LRRC37A2: variants seen among roughly 807,000 people sequenced by gnomAD.
The protein encoded by LRRC37A2 is leucine rich repeat containing 37 member A2.
LRRC37A2 carries 9 observed loss-of-function variants against 68.8 expected under a neutral mutation model. The ratio of observed to expected loss-of-function variants is 0.13; its 90% CI spans 0.08 to 0.23. The LOEUF (loss-of-function observed/expected upper bound fraction) is 0.23. LRRC37A2 is among the 10% of genes least tolerant of loss of function. LRRC37A2 has a pLI of 1.00. For missense variants in LRRC37A2, 168 were observed against 950.4 expected (o/e 0.18, Z 10.82); for synonymous variants, 63 against 367.6 (o/e 0.17, Z 9.48).
At chr17:46,720,673 G>A in the LRRC37A2 span, among the ~76,000 whole-genome samples, 12 of 152,172 alleles carry the variant, frequency 7.9e-5, no homozygotes, top group African/African-American at 2.9e-4. Flanking sequence ...TTAACTAATC[G>A]CTGACAGATT....
At chr17:46,392,339 C>T in the LRRC37A2 span, among the ~76,000 whole-genome samples, 4 of 71,016 alleles carry the variant, frequency 5.6e-5, 1 homozygote, top group East Asian at 9.0e-4. Context: ...CCCTGAATAA[C>T]GGGGATTACT....
chr17:46,900,658 G>A, the LRRC37A2 span, among the ~76,000 whole-genome samples: 10 of 152,342 alleles, frequency 6.6e-5, no homozygotes, highest in South Asian at 6.2e-4. Context: ...CCCGCTTCTC[G>A]CATTCAACTC....
the LRRC37A2 span, among the ~76,000 whole-genome samples, chr17:46,950,641 C>A: frequency 1.3e-5 from 2 of 152,260 alleles, no homozygotes; most frequent in Admixed American, 6.5e-5. Flanking sequence ...TGACCCCGAG[C>A]AGCAAGGGCT....
the LRRC37A2 span, chr17:46,932,521 A>G: frequency 3.5e-6 from 2 of 564,734 alleles, no homozygotes; most frequent in Non-Finnish European, 3.1e-6. Context: ...AGATAGAGAC[A>G]GATGATTAGA....
chr17:46,966,695 C>A, the LRRC37A2 span: 1 of 510,250 alleles, frequency 2.0e-6, no homozygotes, highest in African/African-American at 2.0e-5. Flanking sequence ...CTGGTTCTAT[C>A]AACTATTAGC....
the LRRC37A2 span, among the ~76,000 whole-genome samples, chr17:46,844,700 G>A: frequency 2.6e-4 from 40 of 152,272 alleles, no homozygotes; most frequent in African/African-American, 9.6e-4. Flanking sequence ...AAAAGATGTT[G>A]AGAATGCCTC....
At chr17:47,040,001 C>A in the LRRC37A2 span, among the ~76,000 whole-genome samples, 1 of 151,904 alleles carries the variant, frequency 6.6e-6, no homozygotes, top group South Asian at 2.1e-4. Context: ...TCTAGAATTT[C>A]TATTTGGCTC....
intron 8 of LRRC37A2, among the ~76,000 whole-genome samples, chr17:46,541,712 CAATA>C (rs893228976): frequency 6.6e-6 from 1 of 150,800 alleles, no homozygotes; most frequent in African/African-American, 2.5e-5. Flanking sequence ...AACAATACAA[CAATA>C]AAAGCAGTAG....
At chr17:46,834,373 A>G in the LRRC37A2 span, among the ~76,000 whole-genome samples, 1 of 151,912 alleles carries the variant, frequency 6.6e-6, no homozygotes, top group Admixed American at 6.6e-5. Context: ...TGCCTCTGGG[A>G]GAGGGCAGGC....
At chr17:46,758,473 A>G in the LRRC37A2 span, among the ~76,000 whole-genome samples, 1 of 152,258 alleles carries the variant, frequency 6.6e-6, no homozygotes, top group African/African-American at 2.4e-5. Flanking sequence ...AGGAGGCTCC[A>G]GCTAGCTGCT....
the LRRC37A2 span, chr17:46,833,398 C>A: frequency 1.9e-6 from 1 of 518,022 alleles, no homozygotes; most frequent in African/African-American, 1.9e-5. Context: ...GGCCTGAATG[C>A]CAGTCCTGGG....
At chr17:47,030,205 T>G in the LRRC37A2 span, among the ~76,000 whole-genome samples, 4 of 150,194 alleles carry the variant, frequency 2.7e-5, no homozygotes, top group African/African-American at 9.8e-5. Context: ...TTGATAAAAA[T>G]TAATGAATTC....
chr17:46,703,369 TTTTTAAAATTG>T, the LRRC37A2 span, among the ~76,000 whole-genome samples: 31 of 98,694 alleles, frequency 3.1e-4, no homozygotes, highest in Non-Finnish European at 6.0e-4. Context: ...TTGATTCCAA[TTTTTAAAATTG>T]TTTTAAAATG....
chr17:46,790,489 CACAG>C, the LRRC37A2 span, among the ~76,000 whole-genome samples: 1 of 152,114 alleles, frequency 6.6e-6, no homozygotes, highest in Non-Finnish European at 1.5e-5. Flanking sequence ...TGCCCTAGGT[CACAG>C]ACAGGGCTGG....
chr17:46,839,901 C>A, the LRRC37A2 span, among the ~76,000 whole-genome samples: 1 of 150,218 alleles, frequency 6.7e-6, no homozygotes, highest in South Asian at 2.1e-4. Flanking sequence ...GTATATGTGC[C>A]ACATTTTCTC....
the LRRC37A2 span, among the ~76,000 whole-genome samples, chr17:46,745,945 A>G: frequency 2.0e-5 from 3 of 152,094 alleles, no homozygotes; most frequent in East Asian, 5.8e-4. Context: ...CTGGCTTAGA[A>G]TGTCCTTCCC....
At chr17:46,779,092 CA>C in the LRRC37A2 span, among the ~76,000 whole-genome samples, 5 of 148,506 alleles carry the variant, frequency 3.4e-5, no homozygotes, top group East Asian at 1.0e-3. Context: ...CACACACACA[CA>C]CACACACACA....
chr17:46,500,125 A>G, the LRRC37A2 span, among the ~76,000 whole-genome samples: 7 of 149,574 alleles, frequency 4.7e-5, no homozygotes, highest in African/African-American at 7.7e-5. Context: ...CTGGAAGTTC[A>G]TTGACAAATT....
At chr17:46,703,791 ACCAT>A in the LRRC37A2 span, among the ~76,000 whole-genome samples, 10 of 148,008 alleles carry the variant, frequency 6.8e-5, no homozygotes, top group Non-Finnish European at 1.5e-4. Context: ...ATGTTGTGCA[ACCAT>A]CACTACCATT....
Sources: gnomAD v4.1 joint callset for allele counts (sites outside exome capture counted in the v4.1 genomes callset) on GRCh38, gnomAD v4.1.1 for gene constraint, MANE v1.5 for transcripts, NCBI Gene and HGNC (gene_info 2026-07-23, HGNC 2026-07-21) for gene names.